The following PC variants were observed in gnomAD, a reference collection of about 807,000 sequenced individuals.
The protein encoded by PC is pyruvate carboxylase, mitochondrial.
PC carries 46 observed loss-of-function variants against 107.8 expected under a neutral mutation model. The ratio of observed to expected loss-of-function variants is 0.43; its 90% CI spans 0.34 to 0.55. PC has a LOEUF of 0.55. PC is among the 20% of genes least tolerant of loss of function. PC has a pLI of 0.04. For synonymous variants in PC, 662 were observed against 684.7 expected, an observed-to-expected ratio of 0.97 and a Z score of 0.52; for missense variants, 1,241 against 1,643.1, an observed-to-expected ratio of 0.76 and a Z score of 4.23.
At position 66,868,916 on chromosome 11, in the gene PC, C is replaced by T. The variant is rs758965151; in HGVS notation, c.952G>A (p.Gly318Ser). 2.2e-5 allele frequency: 36 copies of T among 1,613,836 alleles called. No individual in the cohort carries two copies. The highest frequency in any genetic ancestry group is 3.0e-5 in the Non-Finnish European group (35 of 1,180,022). ...TTGACCTCGATGAAGTAGTGCTTGC[C>T]GTGCCTGTCCACCAGGAACTCCACG... is the stretch of plus-strand genomic sequence containing the variant. ...GTVEFLVDRH[G>S]KHYFIEVNSR... Residue 318 changes from glycine (G) to serine (S), a missense_variant, in exon 10 of 23, where the codon GGC becomes AGC. This residue lies in a region of PC where 1,143 missense variants were observed against 1,551.9 expected (regional missense o/e 0.74). Coordinates refer to ENST00000393960, the MANE Select transcript of PC (RefSeq NM_001040716.2).
Position 66,871,297 on chromosome 11 carries a change from C to G in PC, c.487+18G>C. 6.2e-7 allele frequency: 1 copy of G among 1,614,058 alleles called. No homozygotes were observed. ...CCAGGAGCTGCGGGGCCACCCCTTGCTTGCCCGTTATATTCACCCGCAGCA... is the reference window on the plus strand; with the variant it reads ...CCAGGAGCTGCGGGGCCACCCCTTGGTTGCCCGTTATATTCACCCGCAGCA... On this transcript the variant is annotated intron_variant, in intron 6 of 22. Transcript: ENST00000393960. This position sits in a 1 kb window ranked among gnomAD's most constrained non-coding sequence, Gnocchi z 7.4.
At chr11:66,856,146 C>G (rs1591136819) in intron 12 of PC, among the ~76,000 whole-genome samples, 1 of 152,278 alleles carries the variant, frequency 6.6e-6, no homozygotes. Flanking sequence ...CCTCCCCCAC[C>G]TCACGCCGGG....
intron 12 of PC, chr11:66,860,450 A>G (rs1174801352): frequency 2.8e-6 from 2 of 704,616 alleles, no homozygotes; most frequent in Non-Finnish European, 5.2e-6. Context: ...GTTTTTATTT[A>G]TAATAAAATT....
intron 3 of PC, among the ~76,000 whole-genome samples, chr11:66,902,311 G>A (rs1442210231): frequency 6.6e-6 from 1 of 152,168 alleles, no homozygotes; most frequent in Non-Finnish European, 1.5e-5. Context: ...ATCCACTATT[G>A]CTGATTTTAC....
At chr11:66,908,730 A>C (rs1405378624) in intron 3 of PC, among the ~76,000 whole-genome samples, 1 of 152,090 alleles carries the variant, frequency 6.6e-6, no homozygotes, top group Non-Finnish European at 1.5e-5. Flanking sequence ...CTGGCATCTG[A>C]AGAGAGCGGG....
rs529474691 is a variant in PC, at chr11:66,954,986, C to T, written c.-227-550G>A. On this transcript the variant is annotated intron_variant, in intron 1 of 22. Coordinates refer to ENST00000393960, the MANE Select transcript of PC (RefSeq NM_001040716.2). ...GAAAACGTTGACCTGAACGAGGCCT[C>T]CAGCCCATGCAGAAGGTGCCAGTGA... Among the ~76,000 whole-genome samples, 154 of 152,148 alleles carry T rather than the reference C, an allele frequency of 1.0e-3. 4 individuals carry two copies. Among genetic ancestry groups the T allele is most frequent in the Non-Finnish European group, 6.9e-4 (47 of 67,994 alleles).
At position 66,870,180 on chromosome 11, in the gene PC, C is replaced by G. The variant is rs1946663292; in HGVS notation, c.903+122G>C. On this transcript the variant is annotated intron_variant, in intron 9 of 22. Coordinates refer to ENST00000393960, the MANE Select transcript of PC (RefSeq NM_001040716.2). This position sits in a 1 kb window ranked among gnomAD's most constrained non-coding sequence, Gnocchi z 6.1. ...CCCCAGGAGAGTCCTTCACCCTCTT[C>G]TCCCCATCCCCAGTCCCCAGAAGGG... The G allele has an allele frequency of 7.3e-6, 9 of 1,235,496 alleles. No homozygotes were observed. The East Asian group carries it at 2.2e-4, about 30-fold the overall frequency. The allele number at this position is 1,235,496 out of a possible 1,614,324, so 76.5% of individuals were successfully genotyped here.
chr11:66,943,209 T>C (rs1042295284), intron 3 of PC, among the ~76,000 whole-genome samples: 1 of 151,140 alleles, frequency 6.6e-6, no homozygotes, highest in African/African-American at 2.4e-5. Flanking sequence ...GAGCTGGCCA[T>C]GGTGGCTGGC....
In PC at chr11:66,851,809, G is replaced by A; in HGVS notation, c.1963C>T (p.Pro655Ser). The A allele has an allele frequency of 6.2e-7, 1 of 1,614,150 alleles. No individual in the cohort carries two copies. The highest frequency in any genetic ancestry group is 8.5e-7 in the Non-Finnish European group (1 of 1,180,006). Residue 655 changes from proline (P) to serine (S), a missense_variant, in exon 16 of 23, where the codon CCA (proline) becomes TCA (serine). Transcript: ENST00000393960. Reference protein sequence around the residue: ...GANAVGYTNYPDNVVFKFCEV... With the variant: ...GANAVGYTNYSDNVVFKFCEV... ...GCTCACTTGAAGACCACGTTGTCTG[G>A]GTAGTTGGTGTAGCCCACAGCATTG...
chr11:66,856,346 C>A (rs914845419), intron 12 of PC, among the ~76,000 whole-genome samples: 1 of 151,628 alleles, frequency 6.6e-6, no homozygotes, highest in African/African-American at 2.4e-5. Context: ...GGCTCCGGAA[C>A]GCCTGGCCCG....
chr11:66,862,119 C>A (rs1047021701), intron 12 of PC, among the ~76,000 whole-genome samples: 1 of 152,074 alleles, frequency 6.6e-6, no homozygotes, highest in Non-Finnish European at 1.5e-5. Context: ...CCGAAGCAGC[C>A]GCAGGACATC....
chr11:66,890,343 T>C (rs1355496951), intron 3 of PC, among the ~76,000 whole-genome samples: 2 of 151,950 alleles, frequency 1.3e-5, no homozygotes, highest in African/African-American at 4.8e-5. Flanking sequence ...GAACCTATGG[T>C]ATTGTGTTAT....
chr11:66,921,683 C>G (rs1177902968), intron 3 of PC, among the ~76,000 whole-genome samples: 1 of 152,128 alleles, frequency 6.6e-6, no homozygotes, highest in African/African-American at 2.4e-5. Flanking sequence ...GCAGTTCACC[C>G]CTTGGAGCCT....
chr11:66,858,163 TCGA>T lies in PC; in HGVS notation c.1369-4783_1369-4781del. 1 of 1,610,844 alleles carries T rather than the reference TCGA, an allele frequency of 6.2e-7. No individual in the cohort carries two copies. The highest frequency in any genetic ancestry group is 8.5e-7 in the Non-Finnish European group (1 of 1,178,848). On this transcript the variant is annotated intron_variant, in intron 12 of 22. Coordinates refer to ENST00000393960, the MANE Select transcript of PC (RefSeq NM_001040716.2). The surrounding 1 kb of genome is among the most constrained non-coding windows in gnomAD (Gnocchi z 5.9). Reference sequence around the variant, plus strand: ...CTGGGCCGCATCGCGCCGGGAGCCTTCGACGACTTCCTAGAGAGCCTGGAGGAC... The same window carrying T: ...CTGGGCCGCATCGCGCCGGGAGCCTTCGACTTCCTAGAGAGCCTGGAGGAC...
rs1203865957 is a variant in PC, at chr11:66,947,795, T to C, written c.-1+4635A>G. ...CTGGCCAACATGGTGAAACCCCCTCTCTACTAAAAATACAAAAATTAGCTG... is the reference window on the plus strand; with the variant it reads ...CTGGCCAACATGGTGAAACCCCCTCCCTACTAAAAATACAAAAATTAGCTG... On this transcript the variant is annotated intron_variant, in intron 3 of 22. Transcript: ENST00000393960. Among the ~76,000 whole-genome samples, 24 of 150,930 alleles carry C rather than the reference T, an allele frequency of 1.6e-4. No individual in the cohort carries two copies. In the East Asian group the frequency reaches 4.7e-3, roughly 30 times the overall value.
At chr11:66,849,901 AG>A in intron 20 of PC, 35 bp downstream of exon 20, 1 of 1,613,564 alleles carries the variant, frequency 6.2e-7, no homozygotes, top group Non-Finnish European at 8.5e-7. Context: ...TCCTGCATCC[AG>A]CCCCCACCCT....
intron 3 of PC, among the ~76,000 whole-genome samples, chr11:66,900,480 T>C (rs374843231): frequency 2.5e-3 from 386 of 152,260 alleles, no homozygotes; most frequent in African/African-American, 8.8e-3. Flanking sequence ...TTTCTTAAGA[T>C]TCTTTTGGTT....
At chr11:66,890,842 G>A (rs1947549857) in intron 3 of PC, among the ~76,000 whole-genome samples, 1 of 151,908 alleles carries the variant, frequency 6.6e-6, no homozygotes, top group East Asian at 1.9e-4. Flanking sequence ...GAACTGTGTT[G>A]TATAGGCTGA....
chr11:66,933,017 G>T (rs576931283), intron 3 of PC, among the ~76,000 whole-genome samples: 20 of 152,228 alleles, frequency 1.3e-4, no homozygotes, highest in African/African-American at 4.1e-4. Flanking sequence ...AAAATCCAAC[G>T]GAAAACCTCA....
Sources: gnomAD v4.1 joint callset for allele counts (sites outside exome capture counted in the v4.1 genomes callset) on GRCh38, gnomAD v4.1.1 for gene constraint, gnomAD v4.1.1 regional missense constraint, Gnocchi (gnomAD v3.1) non-coding constraint, MANE v1.5 for transcripts, NCBI Gene and HGNC (gene_info 2026-07-23, HGNC 2026-07-21) for gene names.